SCMH1: variants seen among roughly 807,000 people sequenced by gnomAD.
SCMH1 encodes polycomb protein SCMH1.
Under a neutral mutation model 70.8 loss-of-function variants are expected in SCMH1, and 37 were observed. That is an observed-to-expected ratio of 0.52 (90% CI 0.40 to 0.69). SCMH1 has a LOEUF of 0.69. Among genes scored for constraint, SCMH1 ranks in the 30% least tolerant of loss-of-function variants. SCMH1 has a pLI of 0.00. For missense variants in SCMH1, 607 were observed against 827.3 expected, an observed-to-expected ratio of 0.73 and a Z score of 3.27; for synonymous variants, 292 against 307.4, an observed-to-expected ratio of 0.95 and a Z score of 0.52.
intron 1 of SCMH1, among the ~76,000 whole-genome samples, chr1:41,202,222 G>C (rs1336909730): frequency 1.3e-5 from 2 of 152,006 alleles, no homozygotes; most frequent in Non-Finnish European, 2.9e-5. Flanking sequence ...TTTTAGTAGA[G>C]ACGGGGTTTC....
At chr1:41,227,986 AAAAAC>A in intron 1 of SCMH1, among the ~76,000 whole-genome samples, 1 of 152,292 alleles carries the variant, frequency 6.6e-6, no homozygotes, top group Middle Eastern at 3.4e-3. Flanking sequence ...ACTCTGTCTC[AAAAAC>A]AAAACAAAAA....
chr1:41,234,936 G>A (rs1662060945), intron 1 of SCMH1, among the ~76,000 whole-genome samples: 2 of 151,822 alleles, frequency 1.3e-5, no homozygotes, highest in African/African-American at 4.8e-5. Context: ...TTTCCACCAC[G>A]CCAAGCTTAT....
At chr1:41,088,775 T>TA (rs530979277) in intron 8 of SCMH1, among the ~76,000 whole-genome samples, 3 of 152,244 alleles carry the variant, frequency 2.0e-5, no homozygotes, top group Non-Finnish European at 4.4e-5. Flanking sequence ...TGAACTCTTC[T>TA]AAGAGTTTTT....
chr1:41,161,290 T>G lies in SCMH1; in HGVS notation c.82+74A>C. The G allele has an allele frequency of 5.8e-6, 9 of 1,544,642 alleles. No homozygotes were observed. The South Asian group carries it at 1.1e-4, about 19-fold the overall frequency. ...TGAGTTATTTGTAAACTCAGACCTC[T>G]AACAACGAAGGTTTTATGGGAAAAG... On this transcript the variant is annotated intron_variant, in intron 3 of 14. Transcript: ENST00000337495.
At chr1:41,072,575 T>C (rs1656910829) in intron 9 of SCMH1, among the ~76,000 whole-genome samples, 2 of 152,154 alleles carry the variant, frequency 1.3e-5, no homozygotes, top group South Asian at 4.2e-4. Context: ...CAAAAAGAGA[T>C]ATAAAGCCAG....
chr1:41,162,148 T>C (rs1165964272), intron 2 of SCMH1, among the ~76,000 whole-genome samples: 1 of 151,878 alleles, frequency 6.6e-6, no homozygotes, highest in Non-Finnish European at 1.5e-5. Context: ...GCCACCCAAA[T>C]GTGGCTGCAG....
At chr1:41,219,912 C>A (rs1011118352) in intron 1 of SCMH1, among the ~76,000 whole-genome samples, 2 of 147,956 alleles carry the variant, frequency 1.4e-5, no homozygotes, top group Non-Finnish European at 3.0e-5. Flanking sequence ...GCCTGGGCAA[C>A]AGAGCAAGAC....
intron 1 of SCMH1, among the ~76,000 whole-genome samples, chr1:41,203,549 G>A (rs1479518481): frequency 6.6e-6 from 1 of 152,140 alleles, no homozygotes; most frequent in Non-Finnish European, 1.5e-5. Flanking sequence ...TCATAAACTG[G>A]TCCCAAAACT....
intron 8 of SCMH1, among the ~76,000 whole-genome samples, chr1:41,111,241 T>C (rs1367051450): frequency 6.6e-6 from 1 of 152,232 alleles, no homozygotes. Flanking sequence ...TACCTTCTAA[T>C]GGTTCCCTAA....
chr1:41,039,026 G>C (rs1367565845), intron 12 of SCMH1, among the ~76,000 whole-genome samples: 1 of 152,210 alleles, frequency 6.6e-6, no homozygotes, highest in Admixed American at 6.5e-5. Context: ...GTGAAAAATT[G>C]TTATTTTGTA....
At chr1:41,151,544 T>A in intron 5 of SCMH1, 70 bp downstream of exon 5, 1 of 1,283,512 alleles carries the variant, frequency 7.8e-7, no homozygotes, top group Non-Finnish European at 1.1e-6. Flanking sequence ...CCACCTCCTG[T>A]TTTGATTGTC....
At chr1:41,133,873 A>C (rs1268435509) in intron 6 of SCMH1, among the ~76,000 whole-genome samples, 1 of 152,200 alleles carries the variant, frequency 6.6e-6, no homozygotes, top group Non-Finnish European at 1.5e-5. Context: ...AGCTGGTACC[A>C]TTCCTTCTGA....
chr1:41,115,123 T>C (rs943743828), intron 7 of SCMH1, among the ~76,000 whole-genome samples: 1 of 152,230 alleles, frequency 6.6e-6, no homozygotes, highest in African/African-American at 2.4e-5. Context: ...TATTTTCAAA[T>C]CATTTAAATT....
chr1:41,066,572 T>C (rs1327849607), intron 10 of SCMH1, among the ~76,000 whole-genome samples: 1 of 152,096 alleles, frequency 6.6e-6, no homozygotes, highest in Non-Finnish European at 1.5e-5. Context: ...CAGCCATCTT[T>C]TTTTGTTGTT....
intron 2 of SCMH1, among the ~76,000 whole-genome samples, chr1:41,164,831 A>T (rs1293078770): frequency 6.6e-6 from 1 of 152,156 alleles, no homozygotes; most frequent in South Asian, 2.1e-4. Flanking sequence ...TGGAATGATC[A>T]CACCAGAGTA....
intron 1 of SCMH1, among the ~76,000 whole-genome samples, chr1:41,195,548 A>C (rs1210714166): frequency 6.6e-6 from 1 of 152,216 alleles, no homozygotes; most frequent in Non-Finnish European, 1.5e-5. Flanking sequence ...TAAACTAAGA[A>C]TAGAAGGGAA....
intron 8 of SCMH1, among the ~76,000 whole-genome samples, chr1:41,097,454 C>T (rs1453275413): frequency 6.6e-6 from 1 of 152,106 alleles, no homozygotes; most frequent in African/African-American, 2.4e-5. Flanking sequence ...AACTGTCTCC[C>T]GAATGTCTCA....
intron 2 of SCMH1, among the ~76,000 whole-genome samples, chr1:41,162,479 C>T (rs1646116757): frequency 6.6e-6 from 1 of 152,112 alleles, no homozygotes; most frequent in South Asian, 2.1e-4. Flanking sequence ...ACCCATAGAC[C>T]AATGGGCACA....
chr1:41,119,551 T>C (rs2147936332), intron 6 of SCMH1, among the ~76,000 whole-genome samples: 1 of 152,242 alleles, frequency 6.6e-6, no homozygotes, highest in East Asian at 1.9e-4. Context: ...CACAATGCTG[T>C]TTAAGAGCAT....
Sources: gnomAD v4.1 joint callset for allele counts (sites outside exome capture counted in the v4.1 genomes callset) on GRCh38, gnomAD v4.1.1 for gene constraint, MANE v1.5 for transcripts, NCBI Gene and HGNC (gene_info 2026-07-23, HGNC 2026-07-21) for gene names.